CAMTA1: variants seen among roughly 807,000 people sequenced by gnomAD.
CAMTA1 encodes calmodulin binding transcription activator 1.
CAMTA1 carries 27 observed loss-of-function variants against 170.9 expected under a neutral mutation model. That is an observed-to-expected ratio of 0.16 (90% CI 0.12 to 0.22). CAMTA1 has a LOEUF of 0.22. Ranked by LOEUF, CAMTA1 falls within the 10% of genes least tolerant of loss-of-function variation. The probability of loss-of-function intolerance (pLI) is 1.00; values close to 1 mark genes in which losing one functional copy is unlikely to be tolerated. For synonymous variants in CAMTA1, 833 were observed against 891.5 expected, an observed-to-expected ratio of 0.93 and a Z score of 1.17; for missense variants, 1,619 against 2,217.2, an observed-to-expected ratio of 0.73 and a Z score of 5.42.
chr1:7,080,405 A>G (rs1045362339), intron 3 of CAMTA1, among the ~76,000 whole-genome samples: 2 of 152,214 alleles, frequency 1.3e-5, no homozygotes, highest in African/African-American at 2.4e-5. Flanking sequence ...CAATACGGCA[A>G]TTTGATATCT....
chr1:6,919,646 C>T (rs1285997725), intron 3 of CAMTA1, among the ~76,000 whole-genome samples: 2 of 152,178 alleles, frequency 1.3e-5, no homozygotes, highest in East Asian at 1.9e-4. Flanking sequence ...CTGATAAAGA[C>T]ATACCGAAGA....
rs974634991 is a variant in CAMTA1, at chr1:7,711,425, A to AG, written c.2915-21017dup. Among the ~76,000 whole-genome samples, 8 of 152,260 alleles carry AG rather than the reference A, an allele frequency of 5.3e-5. No homozygotes were observed. The South Asian group carries it at 1.4e-3, about 28-fold the overall frequency. The stretch of plus-strand genomic sequence containing the variant: ...GATCAGGGATGAAGGAAGGGACGCT[A>AG]GGGGGGCCAACTGTGAAGGAACCAA... On this transcript the variant is annotated intron_variant, in intron 11 of 22. Transcript: ENST00000303635.
intron 4 of CAMTA1, among the ~76,000 whole-genome samples, chr1:7,124,294 C>T (rs758628123): frequency 2.0e-5 from 3 of 152,154 alleles, no homozygotes; most frequent in Non-Finnish European, 4.4e-5. Context: ...GCGTTCCCAC[C>T]GTAGGTGCTA....
chr1:6,986,919 T>G (rs1275649840), intron 3 of CAMTA1, among the ~76,000 whole-genome samples: 2 of 152,056 alleles, frequency 1.3e-5, no homozygotes, highest in Non-Finnish European at 2.9e-5. Flanking sequence ...TTCTACAAGT[T>G]TGCTCTTGGG....
At position 7,443,938 on chromosome 1, in the gene CAMTA1, T is replaced by C. The variant is rs1441198460; in HGVS notation, c.439-23892T>C. On this transcript the variant is annotated intron_variant, in intron 5 of 22. Transcript: ENST00000303635. The surrounding 1 kb of genome is among the most constrained non-coding windows in gnomAD (Gnocchi z 4.1). ...GGACCAGGAAATGCCATCCCCAGTC[T>C]TGTTGGGCTCAGACATTGTGATCCG... is the stretch of plus-strand genomic sequence containing the variant. Among the ~76,000 whole-genome samples the C allele has an allele frequency of 6.6e-6, 1 of 151,588 alleles. No homozygotes were observed. Among genetic ancestry groups the C allele is most frequent in the African/African-American group, 2.4e-5 (1 of 41,378 alleles).
At chr1:7,554,180 G>A (rs745560239) in intron 6 of CAMTA1, among the ~76,000 whole-genome samples, 2 of 152,168 alleles carry the variant, frequency 1.3e-5, no homozygotes, top group Non-Finnish European at 2.9e-5. Flanking sequence ...TTACATGGAA[G>A]AAGAAGGGTG....
intron 5 of CAMTA1, among the ~76,000 whole-genome samples, chr1:7,341,318 A>T (rs938861543): frequency 1.3e-5 from 2 of 152,092 alleles, no homozygotes; most frequent in African/African-American, 4.8e-5. Flanking sequence ...TGAGGAAGAG[A>T]AGTGGAGCCA....
intron 6 of CAMTA1, among the ~76,000 whole-genome samples, chr1:7,593,140 G>A (rs2095367675): frequency 6.6e-6 from 1 of 152,200 alleles, no homozygotes; most frequent in Non-Finnish European, 1.5e-5. Context: ...GCCAGAGATG[G>A]CTCGGTAAAG....
chr1:7,256,301 T>C (rs866765879), intron 5 of CAMTA1, among the ~76,000 whole-genome samples: 54 of 152,138 alleles, frequency 3.5e-4, no homozygotes, highest in African/African-American at 9.2e-4. Context: ...GGCTCATGCC[T>C]GTAATCCCAG....
At chr1:7,493,339 G>A (rs969791178) in intron 6 of CAMTA1, among the ~76,000 whole-genome samples, 2 of 142,530 alleles carry the variant, frequency 1.4e-5, no homozygotes, top group African/African-American at 2.7e-5. Flanking sequence ...ACACACACAT[G>A]CACACACAAA....
chr1:7,516,656 A>C (rs563220294), intron 6 of CAMTA1, among the ~76,000 whole-genome samples: 35 of 152,338 alleles, frequency 2.3e-4, no homozygotes, highest in Middle Eastern at 3.4e-3. Flanking sequence ...ACTGTCCTGC[A>C]AAACCCACAC....
rs139267629 is a variant in CAMTA1, at chr1:7,380,597, G to T, written c.439-87233G>T. The stretch of plus-strand genomic sequence containing the variant: ...CTCAAAAAAAAGAAAAGAAAAGAAG[G>T]TTGCCCAGTTGGATCAGATTTCACC... On this transcript the variant is annotated intron_variant, in intron 5 of 22. Coordinates refer to ENST00000303635, the MANE Select transcript of CAMTA1 (RefSeq NM_015215.4). Among the ~76,000 whole-genome samples, 145 of 152,216 alleles carry T rather than the reference G, an allele frequency of 9.5e-4. 1 individual carries two copies. The East Asian group carries it at 0.02, about 21-fold the overall frequency.
intron 3 of CAMTA1, among the ~76,000 whole-genome samples, chr1:7,045,394 C>T (rs867754321): frequency 6.6e-6 from 1 of 152,190 alleles, no homozygotes; most frequent in Non-Finnish European, 1.5e-5. Flanking sequence ...TCATTCTGTC[C>T]TCAGCTGAAA....
At position 7,683,604 on chromosome 1, in the gene CAMTA1, G is replaced by A. The variant is rs553528340; in HGVS notation, c.2914+5871G>A. On this transcript the variant is annotated intron_variant, in intron 11 of 22. Coordinates refer to ENST00000303635, the MANE Select transcript of CAMTA1 (RefSeq NM_015215.4). ...CTGGGGCCAGCACAAGCTGGTTAGC[G>A]CATGGGCCCCTGGGTACTTCTGTGC... Among the ~76,000 whole-genome samples, 37 of 152,106 alleles carry A rather than the reference G, an allele frequency of 2.4e-4. 1 individual carries two copies. In the South Asian group the frequency reaches 6.9e-3, roughly 28 times the overall value.
intron 6 of CAMTA1, among the ~76,000 whole-genome samples, chr1:7,602,420 T>C (rs1188568949): frequency 6.6e-6 from 1 of 152,200 alleles, no homozygotes; most frequent in Non-Finnish European, 1.5e-5. Context: ...CCATTTCTTC[T>C]AGATTTTCTA....
intron 5 of CAMTA1, among the ~76,000 whole-genome samples, chr1:7,340,497 C>G (rs2083719931): frequency 6.6e-6 from 1 of 151,968 alleles, no homozygotes; most frequent in Non-Finnish European, 1.5e-5. Context: ...GTAGCCCTTT[C>G]CCAAATGGTT....
chr1:7,276,301 A>ATTTTTTTTTTTTT (rs1487709367), intron 5 of CAMTA1, among the ~76,000 whole-genome samples: 3 of 20,460 alleles, frequency 1.5e-4, no homozygotes, highest in Admixed American at 8.0e-4. Flanking sequence ...ATATATATAT[A>ATTTTTTTTTTTTT]TATTTTTTTT....
rs1036087946 is a variant in CAMTA1 at position 7,670,987 on chromosome 1, C to T, written c.2729C>T (p.Ser910Leu). The change falls in exon 10 of 23, where the codon TCA (serine) becomes TTA (leucine). Residue 910 changes from serine to leucine, a missense_variant. By Grantham distance (145) the Ser-to-Leu change is moderately radical. This residue lies in a region of CAMTA1 where 29 missense variants were observed against 70.9 expected (regional missense o/e 0.41). Transcript: ENST00000303635. ...TACAGCTGCCTGTTTGACCAGATCT[C>T]AGTGCCTGCATCCCTGATTCAGCCT... ...NNYSCLFDQISVPASLIQPGV... is the reference protein window; with the variant it reads ...NNYSCLFDQILVPASLIQPGV... 6.2e-7 allele frequency: 1 copy of T among 1,613,828 alleles called. No homozygotes were observed. Among genetic ancestry groups the T allele is most frequent in the Non-Finnish European group, 8.5e-7 (1 of 1,179,992 alleles).
intron 3 of CAMTA1, among the ~76,000 whole-genome samples, chr1:7,053,848 G>A (rs559452127): frequency 6.6e-6 from 1 of 152,208 alleles, no homozygotes; most frequent in Non-Finnish European, 1.5e-5. Flanking sequence ...GTGAATGAAT[G>A]AGTGAATGAA....
Sources: allele counts gnomAD v4.1 joint callset (sites outside exome capture counted in the v4.1 genomes callset), GRCh38; gene constraint gnomAD v4.1.1; regional missense constraint gnomAD v4.1.1; non-coding constraint Gnocchi (gnomAD v3.1); transcripts MANE v1.5; gene names NCBI Gene and HGNC (gene_info 2026-07-23, HGNC 2026-07-21).